Variants in SHANK2 observed in about 807,000 individuals in gnomAD.
SHANK2 encodes SH3 and multiple ankyrin repeat domains protein 2.
SHANK2 carries 43 observed loss-of-function variants against 133.7 expected under a neutral mutation model. The observed-to-expected ratio is 0.32, with a 90% CI of 0.25 to 0.41. The LOEUF (loss-of-function observed/expected upper bound fraction) is 0.41. SHANK2 is among the 10% of genes least tolerant of loss of function. The pLI is 1.00. For synonymous variants in SHANK2, 1,017 were observed against 952.8 expected (o/e 1.07, Z -1.24); for missense variants, 1,994 against 2,235.8 (o/e 0.89, Z 2.18).
At chr11:71,085,725 TAAA>T (rs1338500648) in intron 8 of SHANK2, among the ~76,000 whole-genome samples, 1 of 55,388 alleles carries the variant, frequency 1.8e-5, no homozygotes. Context: ...TTATATTATA[TAAA>T]ATATAATATA....
intron 13 of SHANK2, among the ~76,000 whole-genome samples, chr11:70,802,807 T>C (rs1367858194): frequency 3.3e-5 from 5 of 152,188 alleles, no homozygotes; most frequent in African/African-American, 1.2e-4. Flanking sequence ...GGCAATGCTA[T>C]GTCATGGGCT....
intron 3 of SHANK2, among the ~76,000 whole-genome samples, chr11:71,125,381 T>C (rs1414383754): frequency 6.6e-6 from 1 of 152,146 alleles, no homozygotes; most frequent in African/African-American, 2.4e-5. Context: ...GCCACTCCAG[T>C]GAACACACAA....
intron 14 of SHANK2, among the ~76,000 whole-genome samples, chr11:70,723,600 C>T (rs1946113599): frequency 6.6e-6 from 1 of 152,284 alleles, no homozygotes; most frequent in African/African-American, 2.4e-5. Context: ...CTCTCCTAAC[C>T]CAAAGACACC....
intron 10 of SHANK2, among the ~76,000 whole-genome samples, chr11:70,920,770 G>A (rs1950338768): frequency 6.6e-6 from 1 of 152,164 alleles, no homozygotes; most frequent in Non-Finnish European, 1.5e-5. Context: ...TTTGTGCATG[G>A]TAGAATAAAC....
chr11:70,595,651 C>T (rs917211679), intron 17 of SHANK2, among the ~76,000 whole-genome samples: 1 of 152,212 alleles, frequency 6.6e-6, no homozygotes, highest in Admixed American at 6.5e-5. Context: ...ATGGCATCTG[C>T]CCAAAATTCG....
At chr11:70,735,944 C>T (rs1555033444) in intron 14 of SHANK2, among the ~76,000 whole-genome samples, 1 of 152,030 alleles carries the variant, frequency 6.6e-6, no homozygotes, top group African/African-American at 2.4e-5. Flanking sequence ...CATTCACCTC[C>T]CTTGCCTTGG....
intron 14 of SHANK2, among the ~76,000 whole-genome samples, chr11:70,727,210 TTG>T (rs1484031603): frequency 6.6e-6 from 1 of 152,278 alleles, no homozygotes; most frequent in African/African-American, 2.4e-5. Flanking sequence ...CACGGAGCAG[TTG>T]TGAGAGTCAC....
intron 10 of SHANK2, among the ~76,000 whole-genome samples, chr11:70,903,587 T>C (rs2135695116): frequency 6.6e-6 from 1 of 152,180 alleles, no homozygotes; most frequent in South Asian, 2.1e-4. Context: ...GCAAGCGTCA[T>C]TGGGAAAGAC....
intron 25 of SHANK2, among the ~76,000 whole-genome samples, chr11:70,484,349 G>A (rs1555152438): frequency 1.3e-5 from 2 of 152,136 alleles, no homozygotes; most frequent in African/African-American, 4.8e-5. Flanking sequence ...CCTGGCTACT[G>A]TACATAGTGA....
intron 14 of SHANK2, among the ~76,000 whole-genome samples, chr11:70,795,402 TTTTTC>T (rs1461454215): frequency 1.2e-5 from 1 of 80,304 alleles, no homozygotes; most frequent in Admixed American, 1.9e-4. Flanking sequence ...CTTTTCTTTC[TTTTTC>T]TTTTTTTTTT....
chr11:71,094,634 G>A lies in SHANK2; in HGVS notation c.647C>T (p.Ala216Val). The A allele has an allele frequency of 6.4e-7, 1 of 1,551,798 alleles. No individual in the cohort carries two copies. Among genetic ancestry groups the A allele is most frequent in the Non-Finnish European group, 8.7e-7 (1 of 1,147,004 alleles). Reference protein sequence around the residue: ...QLDDSVEVIKALKNGGAHLDF... With the variant: ...QLDDSVEVIKVLKNGGAHLDF... Reference sequence around the variant, plus strand: ...CAGGTGAGCTCCACCATTTTTGAGAGCTTTGATGACCTCCACAGAGTCGTC... The same window carrying A: ...CAGGTGAGCTCCACCATTTTTGAGAACTTTGATGACCTCCACAGAGTCGTC... Residue 216 changes from alanine to valine, a missense_variant, in exon 7 of 26, where the codon GCT (alanine) becomes GTT (valine). Around this residue, in one of 5 missense-constraint regions of SHANK2, gnomAD observed 653 missense variants for 563.4 expected, o/e 1.16. Transcript: ENST00000601538.
intron 17 of SHANK2, among the ~76,000 whole-genome samples, chr11:70,510,533 C>T (rs868954412): frequency 2.6e-5 from 4 of 152,186 alleles, no homozygotes; most frequent in African/African-American, 9.7e-5. Flanking sequence ...CCTCTGCCAG[C>T]GCCACCACCC....
At chr11:70,757,802 G>T (rs1482509078) in intron 14 of SHANK2, among the ~76,000 whole-genome samples, 1 of 152,130 alleles carries the variant, frequency 6.6e-6, no homozygotes, top group Middle Eastern at 3.2e-3. Flanking sequence ...ATGTGTGGGT[G>T]GGGTCCCCCG....
At position 70,877,753 on chromosome 11, in the gene SHANK2, A is replaced by G. The variant is rs1307756357; in HGVS notation, c.1174+18748T>C. On this transcript the variant is annotated intron_variant, in intron 11 of 25. Coordinates refer to ENST00000601538, the MANE Select transcript of SHANK2 (RefSeq NM_012309.5). Reference sequence around the variant, plus strand: ...CAAGGAGTAAGAAGCTTACTTACTCAAGGAGTAAGGCTGAGGCCAAGCAGA... The same window carrying G: ...CAAGGAGTAAGAAGCTTACTTACTCGAGGAGTAAGGCTGAGGCCAAGCAGA... Among the ~76,000 whole-genome samples the G allele has an allele frequency of 2.6e-5, 4 of 152,322 alleles. No homozygotes were observed. In the South Asian group the frequency reaches 8.3e-4, roughly 32 times the overall value.
intron 7 of SHANK2, among the ~76,000 whole-genome samples, chr11:71,092,975 G>A (rs1171122328): frequency 6.7e-6 from 1 of 148,552 alleles, no homozygotes. Context: ...CTGGGAGGTG[G>A]AGGTTGCAGT....
intron 11 of SHANK2, among the ~76,000 whole-genome samples, chr11:70,844,270 G>T (rs1207624026): frequency 6.6e-6 from 1 of 152,146 alleles, no homozygotes; most frequent in Non-Finnish European, 1.5e-5. Context: ...TCCTAATTGG[G>T]TCAGCAGAGC....
rs1555154369 is a variant in SHANK2 at position 70,487,343 on chromosome 11, T to A, written c.2950A>T (p.Met984Leu). The A allele has an allele frequency of 6.2e-7, 1 of 1,614,064 alleles. No individual in the cohort carries two copies. The highest frequency in any genetic ancestry group is 1.3e-5 in the African/African-American group (1 of 74,928). Residue 984 changes from methionine (M) to leucine (L), a missense_variant, in exon 25 of 26, where the codon ATG becomes TTG. Transcript: ENST00000601538. This position sits in a 1 kb window ranked among gnomAD's most constrained non-coding sequence, Gnocchi z 5.8. Reference sequence around the variant, plus strand: ...ACCTCTGAGTATGGGTTTTCTGGCATCTGGCCTCTCTTGTTGCGGAAGTTG... The same window carrying A: ...ACCTCTGAGTATGGGTTTTCTGGCAACTGGCCTCTCTTGTTGCGGAAGTTG... ...QANFRNKRGQ[M>L]PENPYSEVGK...
At chr11:71,084,512 C>T (rs982225922) in intron 8 of SHANK2, among the ~76,000 whole-genome samples, 17 of 152,216 alleles carry the variant, frequency 1.1e-4, no homozygotes, top group Non-Finnish European at 2.2e-4. Flanking sequence ...GGCTCTCCCA[C>T]ACGATGAACG....
At chr11:70,668,983 C>T in intron 15 of SHANK2, 1 of 152,418 alleles carries the variant, frequency 6.6e-6, no homozygotes, top group Non-Finnish European at 1.5e-5. Context: ...CCCAGTTTCA[C>T]CCATGAGGAC....
Sources: gnomAD v4.1 joint callset for allele counts (sites outside exome capture counted in the v4.1 genomes callset) on GRCh38, gnomAD v4.1.1 for gene constraint, gnomAD v4.1.1 regional missense constraint, Gnocchi (gnomAD v3.1) non-coding constraint, MANE v1.5 for transcripts, NCBI Gene and HGNC (gene_info 2026-07-23, HGNC 2026-07-21) for gene names.